The following SPON1 variants were observed in gnomAD, a reference collection of about 807,000 sequenced individuals.
SPON1 encodes spondin-1.
SPON1 carries 52 observed loss-of-function variants against 111.7 expected under a neutral mutation model. That is an observed-to-expected ratio of 0.47 (90% CI 0.37 to 0.59). The LOEUF (loss-of-function observed/expected upper bound fraction) is 0.59, where lower values mean the gene tolerates loss of function less well. SPON1 is among the 20% of genes least tolerant of loss of function. The pLI is 0.00. For synonymous variants in SPON1, 410 were observed against 395.8 expected (o/e 1.04, Z -0.43); for missense variants, 957 against 1,068.5 (o/e 0.90, Z 1.46).
intron 6 of SPON1, among the ~76,000 whole-genome samples, chr11:14,198,349 G>T (rs782388663): frequency 6.6e-5 from 10 of 152,194 alleles, no homozygotes; most frequent in Non-Finnish European, 1.3e-4. Flanking sequence ...CCTTATGACC[G>T]CTCTCAAATC....
intron 6 of SPON1, among the ~76,000 whole-genome samples, chr11:14,174,317 C>T (rs1848147494): frequency 6.6e-6 from 1 of 152,296 alleles, no homozygotes; most frequent in South Asian, 2.1e-4. Context: ...CAGGTGGCCA[C>T]GAGCCTGCTT....
chr11:14,214,863 GTTAGAATAC>G (rs1262398020), intron 6 of SPON1, among the ~76,000 whole-genome samples: 1 of 152,160 alleles, frequency 6.6e-6, no homozygotes, highest in Non-Finnish European at 1.5e-5. Flanking sequence ...GGATGTGTTT[GTTAGAATAC>G]TTAGAGGCCA....
At chr11:14,242,793 G>A (rs1462859082) in intron 6 of SPON1, among the ~76,000 whole-genome samples, 1 of 152,226 alleles carries the variant, frequency 6.6e-6, no homozygotes, top group Non-Finnish European at 1.5e-5. Flanking sequence ...GAGAACCTGA[G>A]GGGCACCACG....
At chr11:14,093,943 T>G (rs943236246) in intron 5 of SPON1, among the ~76,000 whole-genome samples, 1 of 152,144 alleles carries the variant, frequency 6.6e-6, no homozygotes, top group Non-Finnish European at 1.5e-5. Flanking sequence ...CCAGGCATGG[T>G]GGTCACGCCT....
chr11:14,129,389 G>C (rs782312306), intron 5 of SPON1, among the ~76,000 whole-genome samples: 2 of 152,160 alleles, frequency 1.3e-5, no homozygotes, highest in Non-Finnish European at 1.5e-5. Context: ...AAGTTCCACA[G>C]ATCTCTAGAG....
At chr11:14,264,272 A>C (rs1554942210) in intron 15 of SPON1, among the ~76,000 whole-genome samples, 1 of 152,184 alleles carries the variant, frequency 6.6e-6, no homozygotes, top group Admixed American at 6.5e-5. Flanking sequence ...GTTTTAAGCA[A>C]GAGGGTGACT....
intron 6 of SPON1, among the ~76,000 whole-genome samples, chr11:14,157,562 G>A (rs187762684): frequency 6.6e-6 from 1 of 152,212 alleles, no homozygotes; most frequent in African/African-American, 2.4e-5. Context: ...ATGCATCCAT[G>A]TCTTGGTATC....
chr11:14,265,500 A>AAC (rs374704138), intron 15 of SPON1, 24 bp from the exon 16 acceptor site: 1 of 1,607,302 alleles, frequency 6.2e-7, no homozygotes, highest in East Asian at 2.2e-5. Context: ...CTGCGGGCCT[A>AAC]ACAAGGCATT....
At chr11:14,122,859 G>A (rs1554926635) in intron 5 of SPON1, among the ~76,000 whole-genome samples, 1 of 151,872 alleles carries the variant, frequency 6.6e-6, no homozygotes, top group African/African-American at 2.4e-5. Context: ...AGTCATCTCA[G>A]GAACTCCTGT....
intron 3 of SPON1, among the ~76,000 whole-genome samples, chr11:14,056,198 G>T (rs1352275465): frequency 1.3e-5 from 2 of 152,278 alleles, no homozygotes; most frequent in East Asian, 3.9e-4. Flanking sequence ...CTACCTCATA[G>T]AGTTGCTGAG....
chr11:14,170,085 C>A (rs1476933706), intron 6 of SPON1, among the ~76,000 whole-genome samples: 2 of 152,102 alleles, frequency 1.3e-5, no homozygotes. Flanking sequence ...ATAACTTGGG[C>A]AGTATGGCCA....
At chr11:14,214,130 A>G (rs7483963) in intron 6 of SPON1, among the ~76,000 whole-genome samples, 51,421 of 152,038 alleles carry the variant, frequency 0.34, 9,068 homozygotes, top group Admixed American at 0.44. Context: ...TCCTTTTTAC[A>G]TGGTTTTTGG....
At chr11:14,195,448 A>G (rs949858383) in intron 6 of SPON1, among the ~76,000 whole-genome samples, 4 of 152,220 alleles carry the variant, frequency 2.6e-5, no homozygotes, top group African/African-American at 9.6e-5. Context: ...GAATTATTAA[A>G]CACAATACAA....
chr11:14,133,901 G>A (rs549560294), intron 5 of SPON1, among the ~76,000 whole-genome samples: 98 of 152,318 alleles, frequency 6.4e-4, no homozygotes, highest in South Asian at 3.5e-3. Flanking sequence ...GGGGTGGGCC[G>A]TGGCTGCCCT....
Position 14,075,359 on chromosome 11 carries a change from A to G in SPON1, c.494A>G (p.Gln165Arg). ...TTTCTTCACAGGGCCAGCATCGTACAAAAACGCATTATTTATTTTCAAGAT... is the reference window on the plus strand; with the variant it reads ...TTTCTTCACAGGGCCAGCATCGTACGAAAACGCATTATTTATTTTCAAGAT... ...GCVILKASIV[Q>R]KRIIYFQDEG... Residue 165 changes from glutamine to arginine, a missense_variant, in exon 4 of 16, where the codon CAA becomes CGA. By Grantham distance (43) the Gln-to-Arg change is conservative. Around this residue, in one of 5 missense-constraint regions of SPON1, gnomAD observed 262 missense variants for 253.9 expected, o/e 1.03. Coordinates refer to ENST00000576479, the MANE Select transcript of SPON1 (RefSeq NM_006108.4). 6.4e-7 allele frequency: 1 copy of G among 1,559,708 alleles called. No individual in the cohort carries two copies. Among genetic ancestry groups the G allele is most frequent in the East Asian group, 2.4e-5 (1 of 42,036 alleles).
intron 6 of SPON1, among the ~76,000 whole-genome samples, chr11:14,230,892 G>A (rs1041741907): frequency 1.7e-4 from 26 of 151,810 alleles, no homozygotes; most frequent in Non-Finnish European, 3.2e-4. Flanking sequence ...GAGCTCAAGC[G>A]ATCCTCCCAC....
At chr11:14,174,646 G>C (rs1848153363) in intron 6 of SPON1, among the ~76,000 whole-genome samples, 1 of 150,620 alleles carries the variant, frequency 6.6e-6, no homozygotes, top group Non-Finnish European at 1.5e-5. Flanking sequence ...TGTGCATTAA[G>C]TGTGGCAAGA....
chr11:13,996,944 T>A (rs1020814705), intron 2 of SPON1, among the ~76,000 whole-genome samples: 1 of 152,208 alleles, frequency 6.6e-6, no homozygotes, highest in Non-Finnish European at 1.5e-5. Flanking sequence ...GATAGGTGGT[T>A]CTAATTTTCT....
chr11:14,067,978 T>C lies in SPON1; in HGVS notation c.480-7367T>C, dbSNP rs9667671. Among the ~76,000 whole-genome samples the C allele has an allele frequency of 6.4e-3, 981 of 152,352 alleles. 22 individuals are homozygous for C. Among genetic ancestry groups the C allele is most frequent in the African/African-American group, 0.023 (942 of 41,572 alleles). ...TTGTATCTCTAAGTCCTAACACAGC[T>C]TTGTGGCACTTACTCTGTTAGACAA... On this transcript the variant is annotated intron_variant, in intron 3 of 15. Coordinates refer to ENST00000576479, the MANE Select transcript of SPON1 (RefSeq NM_006108.4).
Sources: allele counts gnomAD v4.1 joint callset (sites outside exome capture counted in the v4.1 genomes callset), GRCh38; gene constraint gnomAD v4.1.1; regional missense constraint gnomAD v4.1.1; transcripts MANE v1.5; gene names NCBI Gene and HGNC (gene_info 2026-07-23, HGNC 2026-07-21).